Variants in ATXN2 observed in about 807,000 individuals in gnomAD.
ATXN2 encodes the protein ataxin 2.
A neutral mutation model predicts 138.6 loss-of-function variants in ATXN2; 37 were observed. The ratio of observed to expected loss-of-function variants is 0.27; its 90% CI spans 0.21 to 0.35. The LOEUF (loss-of-function observed/expected upper bound fraction) is 0.35. Among genes scored for constraint, ATXN2 ranks in the 10% least tolerant of loss-of-function variants. The pLI is 1.00. For missense variants in ATXN2, 1,216 were observed against 1,480.3 expected, an observed-to-expected ratio of 0.82 and a Z score of 2.93; for synonymous variants, 549 against 543.7, an observed-to-expected ratio of 1.01 and a Z score of -0.13.
At chr12:111,502,326 T>C (rs1208707521) in intron 14 of ATXN2, among the ~76,000 whole-genome samples, 1 of 152,252 alleles carries the variant, frequency 6.6e-6, no homozygotes, top group African/African-American at 2.4e-5. Flanking sequence ...CTCTGCTGTA[T>C]TGGAATATAT....
At chr12:111,536,714 T>A (rs1566049989) in intron 5 of ATXN2, among the ~76,000 whole-genome samples, 6 of 151,974 alleles carry the variant, frequency 3.9e-5, no homozygotes, top group Admixed American at 3.9e-4. Flanking sequence ...GGTATGTGTA[T>A]GTATGTATGA....
At chr12:111,456,898 C>T (rs774416142) in intron 22 of ATXN2, among the ~76,000 whole-genome samples, 21 of 152,096 alleles carry the variant, frequency 1.4e-4, no homozygotes, top group Non-Finnish European at 2.4e-4. Flanking sequence ...CAGGCGCCCA[C>T]CACCACGCCC....
At chr12:111,597,388 G>A (rs1884989884) in intron 1 of ATXN2, among the ~76,000 whole-genome samples, 2 of 152,302 alleles carry the variant, frequency 1.3e-5, no homozygotes, top group South Asian at 4.1e-4. Flanking sequence ...GAGGACGCCG[G>A]TCACCCGCCG....
Position 111,456,125 on chromosome 12 carries a change from A to G in ATXN2, c.3174T>C (p.Asn1058=). The G allele has an allele frequency of 6.2e-7, 1 of 1,614,186 alleles. No individual in the cohort carries two copies. Among genetic ancestry groups the G allele is most frequent in the South Asian group, 1.1e-5 (1 of 91,082 alleles). ...TPASNTQSPQ[N]SFPAAQQTVF... ...CAGTCTGTTGTGCTGCTGGGAAACT[A>G]TTCTGTGGCGACTGCGTGTTGGAGG... Residue 1058 remains asparagine, a synonymous_variant, in exon 23 of 25, where the codon AAT becomes AAC. Coordinates refer to ENST00000673436, the MANE Select transcript of ATXN2 (RefSeq NM_001372574.1).
At chr12:111,459,565 C>G (rs1004761355) in intron 21 of ATXN2, among the ~76,000 whole-genome samples, 27 of 150,476 alleles carry the variant, frequency 1.8e-4, no homozygotes, top group African/African-American at 6.6e-4. Flanking sequence ...CTCAGCCTGC[C>G]GAGTAGCTGG....
At chr12:111,493,982 G>A (rs1317856923) in intron 14 of ATXN2, among the ~76,000 whole-genome samples, 3 of 151,454 alleles carry the variant, frequency 2.0e-5, no homozygotes, top group Admixed American at 1.3e-4. Context: ...CCAGACTGGA[G>A]TGCAGTGGCG....
rs59185968 is a variant in ATXN2, at chr12:111,493,418, C to CAAA, written c.1936-4641_1936-4639dup. Among the ~76,000 whole-genome samples, 311 of 45,520 alleles carry CAAA rather than the reference C, an allele frequency of 6.8e-3. 12 individuals are homozygous for CAAA. The highest frequency in any genetic ancestry group is 0.011 in the Admixed American group (42 of 3,902). 29.9% of individuals were successfully genotyped at this position (45,520 alleles called of 152,430 possible). On this transcript the variant is annotated intron_variant, in intron 14 of 24. Coordinates refer to ENST00000673436, the MANE Select transcript of ATXN2 (RefSeq NM_001372574.1). ...CTGGTAACAGAGCATGACTCTGTCTCAAAAAAAAAAAAAAAAAAAAAAAGT... is the reference window on the plus strand; with the variant it reads ...CTGGTAACAGAGCATGACTCTGTCTCAAAAAAAAAAAAAAAAAAAAAAAAAAGT...
intron 20 of ATXN2, among the ~76,000 whole-genome samples, chr12:111,465,007 T>C (rs1047538592): frequency 3.9e-5 from 6 of 152,200 alleles, no homozygotes; most frequent in Admixed American, 3.3e-4. Context: ...CTGAACAACC[T>C]TGATATAAAT....
chr12:111,480,217 A>C (rs927077532), intron 18 of ATXN2, among the ~76,000 whole-genome samples: 1 of 152,238 alleles, frequency 6.6e-6, no homozygotes, highest in African/African-American at 2.4e-5. Context: ...AAAACTCATT[A>C]AAATGTAAAC....
chr12:111,529,772 A>T (rs1388641217), intron 5 of ATXN2, among the ~76,000 whole-genome samples: 3 of 152,180 alleles, frequency 2.0e-5, no homozygotes. Flanking sequence ...AATCATTCAA[A>T]CTTGTCTGAG....
chr12:111,474,854 C>T (rs1302904581), intron 18 of ATXN2, among the ~76,000 whole-genome samples: 3 of 151,964 alleles, frequency 2.0e-5, no homozygotes, highest in South Asian at 2.1e-4. Flanking sequence ...GAGGCCGAGG[C>T]GGGTGGATCA....
At chr12:111,542,237 A>G (rs1881560896) in intron 5 of ATXN2, among the ~76,000 whole-genome samples, 1 of 151,456 alleles carries the variant, frequency 6.6e-6, no homozygotes, top group Non-Finnish European at 1.5e-5. Context: ...TCCTATGCTT[A>G]TTTTTGTTTT....
In ATXN2 at chr12:111,598,745, C is replaced by A; in HGVS notation, c.251+39G>T. ...GCGCGGGCCGCGGGGGAGGGGACGC[C>A]GGGCCCGGAGCGGAGGGGGCTGGGG... On this transcript the variant is annotated intron_variant, in intron 1 of 24. Coordinates refer to ENST00000673436, the MANE Select transcript of ATXN2 (RefSeq NM_001372574.1). This position sits in a 1 kb window ranked among gnomAD's most constrained non-coding sequence, Gnocchi z 4.5. The A allele has an allele frequency of 8.6e-7, 1 of 1,160,524 alleles. No individual in the cohort carries two copies. The highest frequency in any genetic ancestry group is 1.1e-6 in the Non-Finnish European group (1 of 941,060). The allele number at this position is 1,160,524 out of a possible 1,614,324, so 71.9% of individuals were successfully genotyped here. A position where few individuals can be genotyped will look rare whatever the true frequency, so the allele number is the denominator to read the frequency against.
chr12:111,501,894 C>CT (rs59366504), intron 14 of ATXN2, among the ~76,000 whole-genome samples: 14,891 of 143,780 alleles, frequency 0.1, 2,451 homozygotes, highest in African/African-American at 0.35. Flanking sequence ...GGGTTGGACA[C>CT]TTTTTTTTTT....
chr12:111,517,791 A>G lies in ATXN2; in HGVS notation c.1165+458T>C, dbSNP rs1000625667. On this transcript the variant is annotated intron_variant, in intron 9 of 24. Coordinates refer to ENST00000673436, the MANE Select transcript of ATXN2 (RefSeq NM_001372574.1). ...CATGTCTTGTATTATAAGTTACCTCAGATCCTTTCTTGAAGTAAGCATAAT... is the reference window on the plus strand; with the variant it reads ...CATGTCTTGTATTATAAGTTACCTCGGATCCTTTCTTGAAGTAAGCATAAT... Among the ~76,000 whole-genome samples, 4 of 152,312 alleles carry G rather than the reference A, an allele frequency of 2.6e-5. No homozygotes were observed. The South Asian group carries it at 6.2e-4, about 24-fold the overall frequency.
intron 5 of ATXN2, among the ~76,000 whole-genome samples, chr12:111,528,920 T>C (rs1362196972): frequency 6.6e-6 from 1 of 152,238 alleles, no homozygotes; most frequent in Non-Finnish European, 1.5e-5. Context: ...TGATTTGTTT[T>C]ACAGTGGTTA....
At chr12:111,477,406 A>G (rs1402635828) in intron 18 of ATXN2, among the ~76,000 whole-genome samples, 3 of 152,196 alleles carry the variant, frequency 2.0e-5, no homozygotes, top group African/African-American at 7.2e-5. Flanking sequence ...CTGGTGCCAG[A>G]GAAACCGAGT....
In ATXN2 at chr12:111,516,236, C is replaced by A; in HGVS notation, c.1293G>T (p.Arg431=). 6.4e-7 allele frequency: 1 copy of A among 1,568,758 alleles called. No individual in the cohort carries two copies. The highest frequency in any genetic ancestry group is 8.6e-7 in the Non-Finnish European group (1 of 1,163,854). The change falls in exon 10 of 25, where the codon CGG becomes CGT. Residue 431 remains arginine, a synonymous_variant. Coordinates refer to ENST00000673436, the MANE Select transcript of ATXN2 (RefSeq NM_001372574.1). The surrounding 1 kb of genome is among the most constrained non-coding windows in gnomAD (Gnocchi z 5.0). ...AGGGGTGAGACGGGGGTCTGGATGG[C>A]CGCGAGGGGGGCCTGGAGGGCGGCC... is the stretch of plus-strand genomic sequence containing the variant. ...PTRPPSRPPS[R]PSRPPSHPSA...
At chr12:111,517,513 T>A (rs1879920811) in intron 9 of ATXN2, among the ~76,000 whole-genome samples, 1 of 152,314 alleles carries the variant, frequency 6.6e-6, no homozygotes, top group South Asian at 2.1e-4. Context: ...GTTAGTAACA[T>A]ACTATTGCTA....
Sources: gnomAD v4.1 joint callset for allele counts (sites outside exome capture counted in the v4.1 genomes callset) on GRCh38, gnomAD v4.1.1 for gene constraint, Gnocchi (gnomAD v3.1) non-coding constraint, MANE v1.5 for transcripts, NCBI Gene and HGNC (gene_info 2026-07-23, HGNC 2026-07-21) for gene names.